Variants in TECPR2 observed in about 807,000 individuals in gnomAD.
TECPR2 encodes tectonin beta-propeller repeat containing 2.
Under a neutral mutation model 138.1 loss-of-function variants are expected in TECPR2, and 65 were observed. That is an observed-to-expected ratio of 0.47 (90% CI 0.39 to 0.58). The LOEUF (loss-of-function observed/expected upper bound fraction) is 0.58. TECPR2 is among the 20% of genes least tolerant of loss of function. TECPR2 has a pLI of 0.00. For synonymous variants in TECPR2, 746 were observed against 749.8 expected, an observed-to-expected ratio of 0.99 and a Z score of 0.08; for missense variants, 1,553 against 1,824.5, an observed-to-expected ratio of 0.85 and a Z score of 2.71.
chr14:102,411,699 C>CAGAAAAAAAA (rs1888872027), intron 4 of TECPR2, among the ~76,000 whole-genome samples: 2 of 46,874 alleles, frequency 4.3e-5, no homozygotes, highest in Non-Finnish European at 6.5e-5. Context: ...CCATGTTGCT[C>CAGAAAAAAAA]AAAAAAAAAA....
At chr14:102,433,583 C>T (rs1208986135) in intron 8 of TECPR2, among the ~76,000 whole-genome samples, 1 of 151,812 alleles carries the variant, frequency 6.6e-6, no homozygotes, top group East Asian at 1.9e-4. Context: ...TGCAATGGTG[C>T]GATCTCGGCT....
Position 102,435,040 on chromosome 14 carries a change from G to A in TECPR2, c.2223G>A (p.Glu741=), listed in dbSNP as rs2139731870. The A allele has an allele frequency of 6.2e-7, 1 of 1,614,074 alleles. No homozygotes were observed. The highest frequency in any genetic ancestry group is 8.5e-7 in the Non-Finnish European group (1 of 1,180,034). Residue 741 remains glutamate, a synonymous_variant, in exon 9 of 20, where the codon GAG becomes GAA. Coordinates refer to ENST00000359520, the MANE Select transcript of TECPR2 (RefSeq NM_014844.5). ...LAASTHKPWL[E]QPPRDQTLTS... ...CCAGCACTCACAAGCCCTGGCTTGA[G>A]CAGCCTCCACGGGATCAGACATTGA...
chr14:102,450,010 A>G, intron 14 of TECPR2, 141 bp downstream of exon 14: 5 of 1,256,758 alleles, frequency 4.0e-6, no homozygotes, highest in Non-Finnish European at 5.4e-6. Flanking sequence ...GAGGCACTCT[A>G]TGCTTTGTGA....
At position 102,445,495 on chromosome 14, in the gene TECPR2, C is replaced by T. The variant is rs74085430; in HGVS notation, c.2934-311C>T. On this transcript the variant is annotated intron_variant, in intron 12 of 19. Coordinates refer to ENST00000359520, the MANE Select transcript of TECPR2 (RefSeq NM_014844.5). ...AGGGGAAGGAGTAGAGAGATGGAGG[C>T]GCTCAGGGGCCTTGGATTCCTTTTG... Among the ~76,000 whole-genome samples the T allele has an allele frequency of 8.9e-3, 1,358 of 151,930 alleles. 20 individuals are homozygous for T. Among genetic ancestry groups the T allele is most frequent in the African/African-American group, 0.03 (1,261 of 41,418 alleles).
At chr14:102,377,102 A>G (rs933044340) in intron 2 of TECPR2, among the ~76,000 whole-genome samples, 162 bp downstream of exon 2, 2 of 152,254 alleles carry the variant, frequency 1.3e-5, no homozygotes, top group Admixed American at 6.5e-5. Flanking sequence ...GAAGTGGAAT[A>G]TAACTAAAAA....
chr14:102,488,261 C>G (rs530192870), intron 17 of TECPR2, among the ~76,000 whole-genome samples: 27 of 151,074 alleles, frequency 1.8e-4, no homozygotes, highest in African/African-American at 6.1e-4. Context: ...TCAGGCAATT[C>G]TCCTGCCTCA....
At chr14:102,381,975 A>G (rs757151441) in intron 2 of TECPR2, among the ~76,000 whole-genome samples, 6 of 152,190 alleles carry the variant, frequency 3.9e-5, no homozygotes, top group Non-Finnish European at 4.4e-5. Flanking sequence ...AAGAGGTACA[A>G]TATTGATTCT....
Position 102,500,021 on chromosome 14 carries a change from T to A in TECPR2, c.*1764T>A, listed in dbSNP as rs1176601676. On this transcript the variant is annotated 3_prime_UTR_variant, in exon 20 of 20. Coordinates refer to ENST00000359520, the MANE Select transcript of TECPR2 (RefSeq NM_014844.5). ...TGTGCCTTGCCCGGCGCCTCACGGATGGCAAAGCTCTCCTCACCCATGGGA... is the reference window on the plus strand; with the variant it reads ...TGTGCCTTGCCCGGCGCCTCACGGAAGGCAAAGCTCTCCTCACCCATGGGA... 1 of 152,714 alleles carries A rather than the reference T, an allele frequency of 6.5e-6. No homozygotes were observed. Among genetic ancestry groups the A allele is most frequent in the Non-Finnish European group, 1.5e-5 (1 of 68,080 alleles). The allele number at this position is 152,714 out of a possible 1,614,324, so 9.5% of individuals were successfully genotyped here. A position where few individuals can be genotyped will look rare whatever the true frequency, so the allele number is the denominator to read the frequency against.
At chr14:102,399,553 G>A (rs1160836094) in intron 2 of TECPR2, among the ~76,000 whole-genome samples, 2 of 152,120 alleles carry the variant, frequency 1.3e-5, no homozygotes, top group Admixed American at 6.6e-5. Context: ...GATCTTGGCC[G>A]GGCACGGTGG....
At chr14:102,476,753 A>G (rs1205390063) in intron 17 of TECPR2, among the ~76,000 whole-genome samples, 2 of 152,218 alleles carry the variant, frequency 1.3e-5, no homozygotes, top group Non-Finnish European at 2.9e-5. Flanking sequence ...TACTGTTATC[A>G]TTTCATTTAT....
At chr14:102,381,415 A>C (rs1302861016) in intron 2 of TECPR2, among the ~76,000 whole-genome samples, 1 of 152,200 alleles carries the variant, frequency 6.6e-6, no homozygotes, top group Non-Finnish European at 1.5e-5. Context: ...CTCTACTAAA[A>C]ATACAAAAAT....
At chr14:102,491,441 T>A (rs1309426589) in intron 17 of TECPR2, among the ~76,000 whole-genome samples, 1 of 152,226 alleles carries the variant, frequency 6.6e-6, no homozygotes. Flanking sequence ...CTCAAACTCC[T>A]TGGCTCAAGC....
intron 7 of TECPR2, among the ~76,000 whole-genome samples, 176 bp from the exon 8 acceptor site, chr14:102,431,620 G>A (rs1297422701): frequency 6.6e-6 from 1 of 152,198 alleles, no homozygotes. Flanking sequence ...GGGATTACAG[G>A]CGTGAGTCAC....
At chr14:102,366,584 C>G (rs1887352987) in intron 1 of TECPR2, among the ~76,000 whole-genome samples, 1 of 152,090 alleles carries the variant, frequency 6.6e-6, no homozygotes, top group South Asian at 2.1e-4. Flanking sequence ...TGGCCTCAAG[C>G]AATCCTCCCA....
intron 17 of TECPR2, among the ~76,000 whole-genome samples, chr14:102,495,143 G>T (rs1891246432): frequency 6.6e-6 from 1 of 152,144 alleles, no homozygotes; most frequent in Non-Finnish European, 1.5e-5. Flanking sequence ...GAGCCAGGGA[G>T]ATGGAGGTTG....
At chr14:102,448,285 T>A (rs1230846423) in intron 13 of TECPR2, among the ~76,000 whole-genome samples, 1 of 152,220 alleles carries the variant, frequency 6.6e-6, no homozygotes. Context: ...ATGCCAGTGA[T>A]GTTTTATGTA....
At chr14:102,378,550 G>A (rs951073650) in intron 2 of TECPR2, among the ~76,000 whole-genome samples, 1 of 152,110 alleles carries the variant, frequency 6.6e-6, no homozygotes, top group East Asian at 1.9e-4. Context: ...TAGGTGACTT[G>A]CCTGAGGTTG....
intron 5 of TECPR2, among the ~76,000 whole-genome samples, chr14:102,421,365 C>T (rs1043165284): frequency 7.2e-5 from 11 of 152,190 alleles, no homozygotes; most frequent in Non-Finnish European, 7.4e-5. Context: ...TCAAAACACC[C>T]TTGGTTCGTC....
At position 102,482,476 on chromosome 14, in the gene TECPR2, C is replaced by A. The variant is rs182774908; in HGVS notation, c.3790-14503C>A. ...CCCCCTGCAGAGATCTCTCCTGCAC[C>A]CTCTTGGCCAGCTCCAGTCTGGCCT... On this transcript the variant is annotated intron_variant, in intron 17 of 19. Transcript: ENST00000359520. 7.7e-4 allele frequency among the ~76,000 whole-genome samples: 118 copies of A among 152,354 alleles called. 2 individuals carry two copies. Among genetic ancestry groups the A allele is most frequent in the African/African-American group, 2.8e-3 (115 of 41,580 alleles).
Sources: allele counts gnomAD v4.1 joint callset (sites outside exome capture counted in the v4.1 genomes callset), GRCh38; gene constraint gnomAD v4.1.1; transcripts MANE v1.5; gene names NCBI Gene and HGNC (gene_info 2026-07-23, HGNC 2026-07-21).